UBE2G2: variants seen among roughly 807,000 people sequenced by gnomAD.
The protein encoded by UBE2G2 is ubiquitin-conjugating enzyme E2 G2.
A neutral mutation model predicts 23.0 loss-of-function variants in UBE2G2; 10 were observed. That is an observed-to-expected ratio of 0.43 (90% CI 0.27 to 0.74). The LOEUF (loss-of-function observed/expected upper bound fraction) is 0.74. Ranked by LOEUF, UBE2G2 falls within the 30% of genes least tolerant of loss-of-function variation. The pLI, the probability that UBE2G2 is intolerant of heterozygous loss-of-function variation, is 0.19. For synonymous variants in UBE2G2, 86 were observed against 81.3 expected, an observed-to-expected ratio of 1.06 and a Z score of -0.31; for missense variants, 150 against 218.3, an observed-to-expected ratio of 0.69 and a Z score of 1.97.
Position 44,772,748 on chromosome 21 carries a change from ACCCAC to A in UBE2G2, c.385+794_385+798del, listed in dbSNP as rs1215507085. Among the ~76,000 whole-genome samples the A allele has an allele frequency of 6.6e-6, 1 of 151,762 alleles. No individual in the cohort carries two copies. The highest frequency in any genetic ancestry group is 2.4e-5 in the African/African-American group (1 of 41,272). ...AGCCTGTACCTTCAAGGTCTCCCAA[ACCCAC>A]CCCTTCCTCTTAGCCCTGGGACCAC... On this transcript the variant is annotated intron_variant, in intron 5 of 5. Coordinates refer to ENST00000345496, the MANE Select transcript of UBE2G2 (RefSeq NM_003343.6). The surrounding 1 kb of genome is among the most constrained non-coding windows in gnomAD (Gnocchi z 5.4).
chr21:44,790,689 G>A (rs1455785499), intron 1 of UBE2G2, among the ~76,000 whole-genome samples: 4 of 152,120 alleles, frequency 2.6e-5, no homozygotes, highest in African/African-American at 7.2e-5. Flanking sequence ...AGTTTCCTGA[G>A]GCCTCCCTAG....
Position 44,788,079 on chromosome 21 carries a change from A to G in UBE2G2, c.60T>C (p.Pro20=), listed in dbSNP as rs782713170. 1.2e-5 allele frequency: 19 copies of G among 1,610,444 alleles called. No individual in the cohort carries two copies. In the Admixed American group the frequency reaches 3.2e-4, roughly 27 times the overall value. The change falls in exon 2 of 6, where the codon CCT becomes CCC. Residue 20 remains proline (P), a synonymous_variant. Coordinates refer to ENST00000345496, the MANE Select transcript of UBE2G2 (RefSeq NM_003343.6). The part of the protein sequence containing the change: ...MAEYKQLTLN[P]PEGIVAGPMN... ...CCTTACCTGCTACAATTCCTTCCGG[A>G]GGATTCAGTGTTAATTCTATAAAAT...
intron 3 of UBE2G2, among the ~76,000 whole-genome samples, chr21:44,782,296 T>C (rs1376329452): frequency 6.6e-6 from 1 of 152,212 alleles, no homozygotes; most frequent in African/African-American, 2.4e-5. Context: ...TTGCTGAGAA[T>C]TTTAAAACAC....
At chr21:44,786,783 A>G (rs1555962073) in intron 3 of UBE2G2, among the ~76,000 whole-genome samples, 1 of 152,132 alleles carries the variant, frequency 6.6e-6, no homozygotes, top group African/African-American at 2.4e-5. Context: ...AAATTAAAAG[A>G]CCTCACTAAT....
At chr21:44,790,547 T>TG (rs1226410044) in intron 1 of UBE2G2, among the ~76,000 whole-genome samples, 5 of 152,226 alleles carry the variant, frequency 3.3e-5, no homozygotes, top group Non-Finnish European at 7.3e-5. Flanking sequence ...ATTTCCTCCA[T>TG]GCTGTTCTCA....
At chr21:44,793,171 G>A (rs1444694432) in intron 1 of UBE2G2, among the ~76,000 whole-genome samples, 4 of 152,238 alleles carry the variant, frequency 2.6e-5, no homozygotes, top group African/African-American at 9.6e-5. Flanking sequence ...GATTACGGCA[G>A]ATAGACTGTA....
chr21:44,799,178 C>T (rs1295815050), intron 1 of UBE2G2, among the ~76,000 whole-genome samples: 6 of 152,148 alleles, frequency 3.9e-5, no homozygotes, highest in African/African-American at 1.4e-4. Context: ...ATCTCTAGAG[C>T]TCAGAGTAGA....
At chr21:44,787,772 C>T in intron 3 of UBE2G2, 148 bp downstream of exon 3, 1 of 815,068 alleles carries the variant, frequency 1.2e-6, no homozygotes, top group Non-Finnish European at 1.9e-6. Context: ...TGCTTTCAGA[C>T]CAGCAGCCTA....
At chr21:44,779,683 T>G (rs2082942080) in intron 3 of UBE2G2, among the ~76,000 whole-genome samples, 1 of 152,228 alleles carries the variant, frequency 6.6e-6, no homozygotes, top group African/African-American at 2.4e-5. Flanking sequence ...CCGAGCCTCC[T>G]GTCCAGTACA....
chr21:44,778,266 C>T (rs574101979), intron 3 of UBE2G2, among the ~76,000 whole-genome samples: 7 of 152,354 alleles, frequency 4.6e-5, no homozygotes, highest in African/African-American at 1.7e-4. Context: ...CATGTGATCA[C>T]TGCTGCATGC....
At chr21:44,788,505 G>A (rs773644917) in intron 1 of UBE2G2, among the ~76,000 whole-genome samples, 4 of 152,028 alleles carry the variant, frequency 2.6e-5, no homozygotes, top group Non-Finnish European at 4.4e-5. Flanking sequence ...TAGCCAGGAT[G>A]GTCTAGATCT....
At chr21:44,795,639 A>AAAAG (rs200177196) in intron 1 of UBE2G2, among the ~76,000 whole-genome samples, 3 of 152,038 alleles carry the variant, frequency 2.0e-5, no homozygotes, top group Non-Finnish European at 4.4e-5. Context: ...CTCAAAAAAA[A>AAAAG]AAAGAAAGAA....
chr21:44,786,768 G>GCTGCAAATTAAAAGACCTCA (rs2082999649), intron 3 of UBE2G2, among the ~76,000 whole-genome samples: 7 of 152,264 alleles, frequency 4.6e-5, no homozygotes, highest in Admixed American at 3.3e-4. Context: ...CCAAGACCTT[G>GCTGCAAATTAAAAGACCTCA]CTGCAAATTA....
chr21:44,781,394 C>G (rs2082955028), intron 3 of UBE2G2, among the ~76,000 whole-genome samples: 1 of 152,192 alleles, frequency 6.6e-6, no homozygotes, highest in Non-Finnish European at 1.5e-5. Context: ...TCAGCAAAAG[C>G]TTCTTGCCGA....
chr21:44,791,059 T>G (rs982566978), intron 1 of UBE2G2, among the ~76,000 whole-genome samples: 2 of 152,182 alleles, frequency 1.3e-5, no homozygotes, highest in Non-Finnish European at 2.9e-5. Context: ...CTTGCTATGT[T>G]TCAACAAAGA....
chr21:44,790,219 A>G (rs1555962760), intron 1 of UBE2G2, among the ~76,000 whole-genome samples: 2 of 152,240 alleles, frequency 1.3e-5, no homozygotes. Flanking sequence ...TGGCAAGTTT[A>G]GCAAGTAGAT....
intron 3 of UBE2G2, among the ~76,000 whole-genome samples, chr21:44,783,976 A>G (rs2082975416): frequency 6.6e-6 from 1 of 152,176 alleles, no homozygotes; most frequent in South Asian, 2.1e-4. Context: ...GAAACAGAGC[A>G]AGACCCCATC....
At chr21:44,779,371 T>TGGGGGGGG (rs375243003) in intron 3 of UBE2G2, among the ~76,000 whole-genome samples, 2 of 75,404 alleles carry the variant, frequency 2.7e-5, no homozygotes, top group Non-Finnish European at 5.1e-5. Context: ...GGAGCTGGGG[T>TGGGGGGGG]GGGGGGGGGG....
intron 1 of UBE2G2, chr21:44,801,277 A>G: frequency 9.9e-7 from 1 of 1,007,146 alleles, no homozygotes; most frequent in Non-Finnish European, 1.2e-6. Context: ...GAAAGCCAAA[A>G]TCTGACCTTT....
Sources: gnomAD v4.1 joint callset for allele counts (sites outside exome capture counted in the v4.1 genomes callset) on GRCh38, gnomAD v4.1.1 for gene constraint, Gnocchi (gnomAD v3.1) non-coding constraint, MANE v1.5 for transcripts, NCBI Gene and HGNC (gene_info 2026-07-23, HGNC 2026-07-21) for gene names.